Variants in MIAT observed in about 807,000 individuals in gnomAD.
The protein encoded by MIAT is myocardial infarction associated transcript.
At chr22:26,672,515 T>C (rs1931086124), downstream of MIAT, 2 of 399,320 alleles carry the variant, frequency 5.0e-6, no homozygotes, top group East Asian at 3.6e-5. Context: ...ACCAGGGAAA[T>C]CTCTGGGACG....
chr22:26,665,827 G>A (rs5997112), exon 4 of MIAT: 205,967 of 398,424 alleles, frequency 0.52, 54,487 homozygotes, highest in South Asian at 0.6. Context: ...CACATTTGGC[G>A]TTAGGGCTAG....
intron 2 of MIAT, among the ~76,000 whole-genome samples, chr22:26,652,785 C>A (rs182418571): frequency 1.1e-3 from 168 of 152,254 alleles, no homozygotes; most frequent in South Asian, 2.3e-3. Flanking sequence ...GACTCAGGCT[C>A]CCCTTTCCTT....
At chr22:26,672,044 C>A, downstream of MIAT, 1 of 399,252 alleles carries the variant, frequency 2.5e-6, no homozygotes, top group Non-Finnish European at 4.4e-6. Flanking sequence ...ACTAACCCGT[C>A]TAACCCCTGG....
exon 6 of MIAT, chr22:26,668,728 T>C (rs1395593116): frequency 2.5e-6 from 1 of 399,084 alleles, no homozygotes. Flanking sequence ...CAGTGCGTAA[T>C]TGTCATTTTG....
chr22:26,653,893 C>A (rs902723780), intron 2 of MIAT, among the ~76,000 whole-genome samples: 1 of 152,148 alleles, frequency 6.6e-6, no homozygotes. Flanking sequence ...GTGCACGCTA[C>A]CATGCCTGGC....
At chr22:26,660,644 G>A (rs1176405929) in intron 2 of MIAT, 2 of 152,100 alleles carry the variant, frequency 1.3e-5, no homozygotes, top group Non-Finnish European at 2.9e-5. Flanking sequence ...GTTCCCTATT[G>A]TTGGTCCTGC....
chr22:26,657,546 G>A (rs1602357599), intron 2 of MIAT: 2 of 398,798 alleles, frequency 5.0e-6, no homozygotes, highest in Non-Finnish European at 8.8e-6. Context: ...GGACGAGTGC[G>A]GGGAGGAGTT....
At chr22:26,656,449 C>T (rs1930457295) in intron 2 of MIAT, among the ~76,000 whole-genome samples, 1 of 151,168 alleles carries the variant, frequency 6.6e-6, no homozygotes, top group South Asian at 2.1e-4. Context: ...CTCAGCCTCA[C>T]GAGTAGCTGG....
intron 2 of MIAT, among the ~76,000 whole-genome samples, chr22:26,656,327 CTTT>C (rs201892323): frequency 1.5e-5 from 2 of 134,852 alleles, no homozygotes; most frequent in Non-Finnish European, 1.6e-5. Context: ...TTTTCTTTTT[CTTT>C]TTTTTTTTTT....
At chr22:26,648,561 T>G (rs1253517187) in intron 2 of MIAT, among the ~76,000 whole-genome samples, 3 of 110,484 alleles carry the variant, frequency 2.7e-5, no homozygotes, top group African/African-American at 1.0e-4. Context: ...GGGGTTTTGT[T>G]TTTTTTTTTT....
At chr22:26,657,254 G>A in intron 2 of MIAT, 1 of 363,298 alleles carries the variant, frequency 2.8e-6, no homozygotes. Context: ...GCGGGAGGCT[G>A]AGCGCACCGG....
intron 3 of MIAT, among the ~76,000 whole-genome samples, chr22:26,664,038 A>G (rs913006964): frequency 3.0e-5 from 4 of 131,502 alleles, no homozygotes; most frequent in African/African-American, 1.2e-4. Context: ...TTGAGACAAG[A>G]TCTCGCTCTG....
chr22:26,656,334 T>TG (rs1242568572), intron 2 of MIAT, among the ~76,000 whole-genome samples: 1 of 149,472 alleles, frequency 6.7e-6, no homozygotes, highest in Non-Finnish European at 1.5e-5. Context: ...TTTCTTTTTT[T>TG]TTTTTTTGAG....
chr22:26,676,105 T>G (rs1931252921), exon 5 of MIAT: 1 of 397,844 alleles, frequency 2.5e-6, no homozygotes, highest in African/African-American at 2.1e-5. Flanking sequence ...TCCGAACAGG[T>G]GTTATAATCC....
chr22:26,657,571 C>T (rs1256664890), intron 2 of MIAT: 2 of 398,660 alleles, frequency 5.0e-6, no homozygotes, highest in Admixed American at 8.8e-5. Context: ...ATGGGAGGCG[C>T]TTGCAGGGGC....
chr22:26,669,676 C>A, downstream of MIAT: 1 of 399,120 alleles, frequency 2.5e-6, no homozygotes, highest in Non-Finnish European at 4.4e-6. Context: ...AAGTCAGAGC[C>A]TTCTCCCCTT....
chr22:26,656,756 C>T (rs1046070204), intron 2 of MIAT, among the ~76,000 whole-genome samples: 1 of 152,124 alleles, frequency 6.6e-6, no homozygotes, highest in Non-Finnish European at 1.5e-5. Flanking sequence ...AAAGACTAAT[C>T]CGGGCGCGGT....
In MIAT at chr22:26,648,523, A is replaced by G. The variant is rs192492690; in HGVS notation, n.646+1212A>G. 2.0e-5 allele frequency among the ~76,000 whole-genome samples: 3 copies of G among 149,012 alleles called. No homozygotes were observed. In the East Asian group the frequency reaches 5.9e-4, roughly 29 times the overall value. On this transcript the variant is annotated intron_variant and non_coding_transcript_variant, in intron 2 of 5. Coordinates refer to ENST00000643270, the Ensembl canonical transcript of MIAT. ...TAAAATACAGATGCTGGGGGAAACC[A>G]GTGGTCCCTGGACTTTCATAGTTTG...
chr22:26,654,262 T>C (rs1930385722), intron 2 of MIAT, among the ~76,000 whole-genome samples: 1 of 152,208 alleles, frequency 6.6e-6, no homozygotes, highest in African/African-American at 2.4e-5. Flanking sequence ...GAACCAAAGA[T>C]ACTTGGAGAT....
Sources: gnomAD v4.1 joint callset for allele counts (sites outside exome capture counted in the v4.1 genomes callset) on GRCh38, gnomAD v4.1.1 for gene constraint, MANE v1.5 for transcripts, NCBI Gene and HGNC (gene_info 2026-07-23, HGNC 2026-07-21) for gene names.